The following MACROD2 variants were observed in gnomAD, a reference collection of about 807,000 sequenced individuals.
The protein encoded by MACROD2 is ADP-ribose glycohydrolase MACROD2.
A neutral mutation model predicts 70.4 loss-of-function variants in MACROD2; 36 were observed. The ratio of observed to expected loss-of-function variants is 0.51; its 90% CI spans 0.39 to 0.68. MACROD2 has a LOEUF of 0.68. Ranked by LOEUF, MACROD2 falls within the 30% of genes least tolerant of loss-of-function variation. The probability of loss-of-function intolerance (pLI) is 0.00; values close to 1 mark genes in which losing one functional copy is unlikely to be tolerated. For missense variants in MACROD2, 496 were observed against 538.4 expected, an observed-to-expected ratio of 0.92 and a Z score of 0.78; for synonymous variants, 172 against 178.8, an observed-to-expected ratio of 0.96 and a Z score of 0.30.
chr20:14,415,429 C>A (rs1183192563), intron 3 of MACROD2, among the ~76,000 whole-genome samples: 1 of 151,844 alleles, frequency 6.6e-6, no homozygotes, highest in Non-Finnish European at 1.5e-5. Flanking sequence ...ATTGTGTGAC[C>A]ACCAACACCA....
chr20:15,834,320 A>G (rs1353674399), intron 8 of MACROD2, among the ~76,000 whole-genome samples: 1 of 152,144 alleles, frequency 6.6e-6, no homozygotes, highest in East Asian at 1.9e-4. Flanking sequence ...CGTCTGGGCG[A>G]CAGAGCTAGA....
At chr20:15,261,424 G>A (rs948454313) in intron 6 of MACROD2, among the ~76,000 whole-genome samples, 3 of 151,806 alleles carry the variant, frequency 2.0e-5, no homozygotes, top group African/African-American at 7.3e-5. Context: ...GCATTTTGCC[G>A]AGTAGGATTA....
chr20:14,154,512 A>G (rs2055067566), intron 3 of MACROD2, among the ~76,000 whole-genome samples: 1 of 147,736 alleles, frequency 6.8e-6, no homozygotes, highest in Admixed American at 6.7e-5. Flanking sequence ...CAGCCTCCCA[A>G]GTAGCTGGGA....
At chr20:14,977,844 C>A (rs965521911) in intron 5 of MACROD2, among the ~76,000 whole-genome samples, 24 of 152,072 alleles carry the variant, frequency 1.6e-4, no homozygotes, top group Admixed American at 1.5e-3. Context: ...CTTCTTATGG[C>A]TTGGTGTATG....
At chr20:14,347,831 C>G (rs1300075923) in intron 3 of MACROD2, among the ~76,000 whole-genome samples, 2 of 152,156 alleles carry the variant, frequency 1.3e-5, no homozygotes, top group Non-Finnish European at 2.9e-5. Context: ...CATGTCCCAG[C>G]CAGATCACCC....
chr20:15,093,101 G>T (rs910964637), intron 5 of MACROD2, among the ~76,000 whole-genome samples: 4 of 152,110 alleles, frequency 2.6e-5, no homozygotes, highest in African/African-American at 9.7e-5. Context: ...CCACATAAAT[G>T]ACACTGAAGT....
chr20:15,266,665 C>T (rs1336764677), intron 6 of MACROD2, among the ~76,000 whole-genome samples: 1 of 152,220 alleles, frequency 6.6e-6, no homozygotes, highest in African/African-American at 2.4e-5. Flanking sequence ...CACTCTCTTG[C>T]TTAACACACT....
chr20:14,013,778 G>A (rs1423159735), intron 2 of MACROD2, among the ~76,000 whole-genome samples: 2 of 147,984 alleles, frequency 1.4e-5, no homozygotes, highest in East Asian at 4.0e-4. Context: ...CGCCTCCTGG[G>A]TTCCAGCAGT....
chr20:15,458,638 T>A (rs1209659133), intron 7 of MACROD2, among the ~76,000 whole-genome samples: 4 of 129,974 alleles, frequency 3.1e-5, no homozygotes, highest in African/African-American at 9.1e-5. Context: ...TTTTTTTTTT[T>A]TAAAAAAAAA....
intron 10 of MACROD2, among the ~76,000 whole-genome samples, chr20:15,907,629 T>C (rs2065167668): frequency 6.6e-6 from 1 of 151,894 alleles, no homozygotes; most frequent in African/African-American, 2.4e-5. Context: ...AAAATACACA[T>C]GAGACAAAGG....
intron 8 of MACROD2, among the ~76,000 whole-genome samples, chr20:15,517,457 G>A (rs760487112): frequency 2.6e-5 from 4 of 152,254 alleles, no homozygotes; most frequent in Admixed American, 6.5e-5. Context: ...CTGGAAAAGC[G>A]TATATGTATT....
chr20:14,965,590 A>G (rs907269478), intron 5 of MACROD2, among the ~76,000 whole-genome samples: 57 of 147,892 alleles, frequency 3.9e-4, no homozygotes, highest in Admixed American at 1.3e-3. Flanking sequence ...CCTCCCTAGT[A>G]ACTGGGGCTA....
intron 3 of MACROD2, among the ~76,000 whole-genome samples, chr20:14,122,626 A>G (rs2054601335): frequency 6.6e-6 from 1 of 152,136 alleles, no homozygotes; most frequent in African/African-American, 2.4e-5. Context: ...TTCCTTCTCA[A>G]GGGGGTGTCA....
intron 3 of MACROD2, among the ~76,000 whole-genome samples, chr20:14,254,384 A>G (rs1256166842): frequency 6.6e-6 from 1 of 151,892 alleles, no homozygotes; most frequent in Non-Finnish European, 1.5e-5. Flanking sequence ...ATTTTTAATA[A>G]TTTAGTGAAA....
At chr20:15,507,244 G>A (rs997848845) in intron 8 of MACROD2, among the ~76,000 whole-genome samples, 14 of 148,012 alleles carry the variant, frequency 9.5e-5, no homozygotes, top group Non-Finnish European at 1.5e-4. Flanking sequence ...TCTCCCTACC[G>A]TTCTCTTTCT....
At chr20:15,294,437 G>A (rs540624193) in intron 6 of MACROD2, among the ~76,000 whole-genome samples, 4 of 152,034 alleles carry the variant, frequency 2.6e-5, no homozygotes, top group Non-Finnish European at 5.9e-5. Flanking sequence ...TAAACCTCCC[G>A]TTTTCTTTAA....
intron 8 of MACROD2, among the ~76,000 whole-genome samples, chr20:15,819,512 G>A (rs561385381): frequency 2.1e-5 from 3 of 142,942 alleles, no homozygotes; most frequent in South Asian, 2.2e-4. Flanking sequence ...TATCTATATC[G>A]ATATATTTAT....
chr20:14,306,901 A>C, intron 3 of MACROD2, among the ~76,000 whole-genome samples: 1 of 152,064 alleles, frequency 6.6e-6, no homozygotes. Context: ...AGAGGAGCAA[A>C]TGCCACTATT....
intron 3 of MACROD2, among the ~76,000 whole-genome samples, chr20:14,163,638 C>G (rs1466098088): frequency 6.6e-6 from 1 of 151,514 alleles, no homozygotes; most frequent in Non-Finnish European, 1.5e-5. Context: ...TTTGCTCATT[C>G]TTTGTTTTTC....
Sources: allele counts gnomAD v4.1 joint callset (sites outside exome capture counted in the v4.1 genomes callset), GRCh38; gene constraint gnomAD v4.1.1; transcripts MANE v1.5; gene names NCBI Gene and HGNC (gene_info 2026-07-23, HGNC 2026-07-21).